GPHN: variants seen among roughly 807,000 people sequenced by gnomAD.
GPHN encodes the protein gephyrin.
In GPHN, 17 loss-of-function variants were observed where a neutral mutation model predicts 95.5. The observed-to-expected ratio is 0.18, with a 90% confidence interval of 0.12 to 0.27. The LOEUF is 0.27. GPHN is among the 10% of genes least tolerant of loss of function. The pLI, the probability that GPHN is intolerant of heterozygous loss-of-function variation, is 1.00. For missense variants in GPHN, 660 were observed against 978.1 expected, an observed-to-expected ratio of 0.67 and a Z score of 4.34; for synonymous variants, 320 against 322.5, an observed-to-expected ratio of 0.99 and a Z score of 0.08.
At chr14:67,369,047 A>G in the GPHN span, among the ~76,000 whole-genome samples, 1 of 152,260 alleles carries the variant, frequency 6.6e-6, no homozygotes, top group South Asian at 2.1e-4. Context: ...GAATTCATTT[A>G]TATCAGTAAT....
the GPHN span, among the ~76,000 whole-genome samples, chr14:67,622,597 G>C: frequency 6.6e-6 from 1 of 152,220 alleles, no homozygotes; most frequent in African/African-American, 2.4e-5. Flanking sequence ...TAACTAATGG[G>C]AGGAAGTTTT....
At chr14:67,328,413 T>G in the GPHN span, among the ~76,000 whole-genome samples, 3 of 152,216 alleles carry the variant, frequency 2.0e-5, no homozygotes, top group Admixed American at 6.5e-5. Context: ...TGGTAAAAAT[T>G]TTCTCCCATT....
At chr14:66,520,354 G>A (rs2058426302) in intron 1 of GPHN, among the ~76,000 whole-genome samples, 1 of 152,046 alleles carries the variant, frequency 6.6e-6, no homozygotes, top group African/African-American at 2.4e-5. Context: ...AGCTTTACAA[G>A]TTCTTTTGAA....
At chr14:67,470,063 T>C in the GPHN span, among the ~76,000 whole-genome samples, 2 of 152,056 alleles carry the variant, frequency 1.3e-5, no homozygotes, top group Non-Finnish European at 2.9e-5. Context: ...GGTCAGGGTG[T>C]GAATTCAGGT....
chr14:66,812,541 A>G (rs1363417875), intron 3 of GPHN, among the ~76,000 whole-genome samples: 1 of 152,190 alleles, frequency 6.6e-6, no homozygotes, highest in African/African-American at 2.4e-5. Flanking sequence ...AAAGGAACAT[A>G]TGCTTGTAAT....
chr14:66,931,798 A>G (rs1163535040), intron 8 of GPHN, among the ~76,000 whole-genome samples: 1 of 152,216 alleles, frequency 6.6e-6, no homozygotes, highest in Non-Finnish European at 1.5e-5. Flanking sequence ...GAGCTTCCTC[A>G]AAACAACTAT....
chr14:67,440,312 T>C, the GPHN span, among the ~76,000 whole-genome samples: 46 of 152,326 alleles, frequency 3.0e-4, no homozygotes, highest in African/African-American at 1.1e-3. Context: ...ACATGAAATG[T>C]GCCTTAGGTC....
At chr14:67,727,110 G>C in the GPHN span, 1 of 1,614,182 alleles carries the variant, frequency 6.2e-7, no homozygotes, top group Non-Finnish European at 8.5e-7. Flanking sequence ...AGCGAGAAGC[G>C]CTACAGCAGG....
At chr14:67,453,957 C>T in the GPHN span, 1 of 152,170 alleles carries the variant, frequency 6.6e-6, no homozygotes, top group Non-Finnish European at 1.5e-5. Flanking sequence ...CTCAGGAGGG[C>T]CTTAAAAAAG....
intron 20 of GPHN, among the ~76,000 whole-genome samples, chr14:67,166,080 G>T (rs1182624937): frequency 6.6e-6 from 1 of 151,908 alleles, no homozygotes; most frequent in East Asian, 1.9e-4. Context: ...ATCTTTGTTT[G>T]TTTTTTAGGT....
At chr14:67,150,217 C>T (rs1248533799) in intron 18 of GPHN, among the ~76,000 whole-genome samples, 2 of 151,534 alleles carry the variant, frequency 1.3e-5, no homozygotes, top group African/African-American at 2.4e-5. Context: ...CCGAGGCGGG[C>T]GGATCACGAG....
intron 9 of GPHN, among the ~76,000 whole-genome samples, chr14:66,966,661 TAA>T (rs2069349184): frequency 6.6e-6 from 1 of 152,038 alleles, no homozygotes; most frequent in Non-Finnish European, 1.5e-5. Flanking sequence ...AACTCACTTG[TAA>T]AGTCTAGAAA....
chr14:67,338,780 G>A, the GPHN span: 1 of 1,597,116 alleles, frequency 6.3e-7, no homozygotes, highest in Non-Finnish European at 8.5e-7. Flanking sequence ...ATACAGGTGG[G>A]GGTGGATTTT....
chr14:67,348,232 G>A, the GPHN span, among the ~76,000 whole-genome samples: 3 of 151,538 alleles, frequency 2.0e-5, no homozygotes, highest in South Asian at 6.2e-4. Flanking sequence ...GCGCTACCAC[G>A]TCTGGCTTAT....
intron 9 of GPHN, among the ~76,000 whole-genome samples, chr14:67,015,494 T>C (rs112405360): frequency 0.016 from 2,378 of 152,030 alleles, 33 homozygotes; most frequent in Non-Finnish European, 0.018. Context: ...GTCAGGAGTT[T>C]GAGACCAGCC....
the GPHN span, among the ~76,000 whole-genome samples, chr14:67,246,979 T>C: frequency 6.6e-6 from 1 of 152,194 alleles, no homozygotes; most frequent in Non-Finnish European, 1.5e-5. Flanking sequence ...GTCTTCACAT[T>C]AGGTAATGTG....
chr14:67,280,879 C>CTT, the GPHN span, among the ~76,000 whole-genome samples: 1 of 131,806 alleles, frequency 7.6e-6, no homozygotes, highest in Admixed American at 8.3e-5. Flanking sequence ...CTCCCTCCCT[C>CTT]CCTTTTCTTT....
the GPHN span, among the ~76,000 whole-genome samples, chr14:67,494,788 A>G: frequency 1.3e-5 from 2 of 152,136 alleles, no homozygotes; most frequent in African/African-American, 4.8e-5. Flanking sequence ...TTTGACAAGA[A>G]CCAAGGCTAC....
chr14:67,401,087 A>C, the GPHN span, among the ~76,000 whole-genome samples: 2 of 152,164 alleles, frequency 1.3e-5, no homozygotes, highest in African/African-American at 4.8e-5. Flanking sequence ...CCAGTGCCTG[A>C]GACTGGGAAT....
Sources: allele counts gnomAD v4.1 joint callset (sites outside exome capture counted in the v4.1 genomes callset), GRCh38; gene constraint gnomAD v4.1.1; transcripts MANE v1.5; gene names NCBI Gene and HGNC (gene_info 2026-07-23, HGNC 2026-07-21).